MTR: variants seen among roughly 807,000 people sequenced by gnomAD.
MTR encodes methionine synthase.
Under a neutral mutation model 154.8 loss-of-function variants are expected in MTR, and 84 were observed. The ratio of observed to expected loss-of-function variants is 0.54; its 90% CI spans 0.45 to 0.65. MTR has a LOEUF of 0.65. MTR is among the 30% of genes least tolerant of loss of function. The pLI is 0.00. For missense variants in MTR, 1,275 were observed against 1,570.2 expected (o/e 0.81, Z 3.18); for synonymous variants, 554 against 553.9 (o/e 1.00, Z 0.00).
chr1:236,841,323 T>C (rs1663222062), intron 15 of MTR, among the ~76,000 whole-genome samples: 1 of 152,238 alleles, frequency 6.6e-6, no homozygotes, highest in Non-Finnish European at 1.5e-5. Flanking sequence ...TGCAGTAGTA[T>C]ACTGTGATTG....
At chr1:236,883,183 TG>T (rs1665844405) in intron 25 of MTR, among the ~76,000 whole-genome samples, 1 of 152,236 alleles carries the variant, frequency 6.6e-6, no homozygotes, top group Admixed American at 6.5e-5. Flanking sequence ...GCTGTTGCCA[TG>T]AAATGTTATT....
At chr1:236,894,331 A>G in intron 29 of MTR, 26 bp from the exon 30 acceptor site, 2 of 1,613,026 alleles carry the variant, frequency 1.2e-6, no homozygotes, top group East Asian at 2.2e-5. Context: ...GCGCCCCCGC[A>G]CACTCCTACA....
intron 8 of MTR, chr1:236,819,519 T>C: frequency 6.1e-6 from 2 of 330,024 alleles, no homozygotes; most frequent in South Asian, 5.7e-5. Context: ...CCATCTTGGT[T>C]GCTTCGAAGT....
At chr1:236,799,893 G>T (rs1660614454) in intron 1 of MTR, among the ~76,000 whole-genome samples, 1 of 151,290 alleles carries the variant, frequency 6.6e-6, no homozygotes, top group African/African-American at 2.4e-5. Flanking sequence ...CAATAAGTTT[G>T]TCAGGTTTCT....
At position 236,795,715 on chromosome 1, in the gene MTR, G is replaced by C; in HGVS notation, c.12G>C (p.Ala4=). 1 of 1,614,184 alleles carries C rather than the reference G, an allele frequency of 6.2e-7. No individual in the cohort carries two copies. The highest frequency in any genetic ancestry group is 8.5e-7 in the Non-Finnish European group (1 of 1,180,034). ...GGAGACTCGACAACATGTCACCCGC[G>C]CTCCAAGACCTGTCGCAACCCGGTA... MSP[A]LQDLSQPEGL... The change falls in exon 1 of 33, where the codon GCG becomes GCC. Residue 4 remains alanine, a synonymous_variant. Coordinates refer to ENST00000366577, the MANE Select transcript of MTR (RefSeq NM_000254.3).
intron 1 of MTR, among the ~76,000 whole-genome samples, chr1:236,798,753 C>T (rs1416652940): frequency 6.6e-6 from 1 of 152,188 alleles, no homozygotes; most frequent in Non-Finnish European, 1.5e-5. Flanking sequence ...CTTGACTAGT[C>T]AGTAGTTAAG....
At chr1:236,811,617 T>C (rs900583973) in intron 5 of MTR, 1 of 456,278 alleles carries the variant, frequency 2.2e-6, no homozygotes, top group East Asian at 7.0e-5. Context: ...ACCAGGCTTA[T>C]GTGTTGTTGA....
intron 13 of MTR, among the ~76,000 whole-genome samples, chr1:236,833,341 A>G (rs571662194): frequency 2.6e-5 from 4 of 152,232 alleles, no homozygotes; most frequent in Non-Finnish European, 4.4e-5. Context: ...TGGAAGTAAT[A>G]ATATCTATCA....
At chr1:236,881,166 A>C (rs1031650574) in intron 25 of MTR, among the ~76,000 whole-genome samples, 1 of 152,146 alleles carries the variant, frequency 6.6e-6, no homozygotes, top group African/African-American at 2.4e-5. Flanking sequence ...GTCTAAAAGG[A>C]ATGTTGGATT....
intron 22 of MTR, among the ~76,000 whole-genome samples, chr1:236,872,980 G>T (rs527519440): frequency 1.2e-4 from 18 of 152,340 alleles, no homozygotes; most frequent in African/African-American, 4.3e-4. Flanking sequence ...ATGAGACCCT[G>T]TCTCAAAAAC....
chr1:236,815,370 C>T (rs1044732675), intron 6 of MTR, among the ~76,000 whole-genome samples: 6 of 152,186 alleles, frequency 3.9e-5, no homozygotes, highest in Non-Finnish European at 4.4e-5. Context: ...AGTGGAAATA[C>T]TAGTTCCTAG....
chr1:236,863,082 T>C (rs1230457885), intron 21 of MTR, among the ~76,000 whole-genome samples: 3 of 152,212 alleles, frequency 2.0e-5, no homozygotes, highest in Admixed American at 6.5e-5. Flanking sequence ...AGATGGGACA[T>C]ACACATACAG....
chr1:236,865,630 G>GA (rs1664780742), intron 22 of MTR, among the ~76,000 whole-genome samples: 2 of 152,158 alleles, frequency 1.3e-5, no homozygotes, highest in Admixed American at 1.3e-4. Flanking sequence ...TGTTTAGAGA[G>GA]AAAATGTATT....
chr1:236,895,124 A>G lies in MTR; in HGVS notation c.3406-234A>G, dbSNP rs746443012. On this transcript the variant is annotated intron_variant, in intron 30 of 32. Coordinates refer to ENST00000366577, the MANE Select transcript of MTR (RefSeq NM_000254.3). ...TTTTAAGGTCTAAAATCTTTAGGTC[A>G]TTAAGTATGGTCCTTCAGAGCTCAG... 6.2e-5 allele frequency: 36 copies of G among 579,646 alleles called. 1 individual carries two copies. Among genetic ancestry groups the G allele is most frequent in the Middle Eastern group, 9.3e-4 (2 of 2,142 alleles). The allele number at this position is 579,646 out of a possible 1,614,324, so 35.9% of individuals were successfully genotyped here. A position where few individuals can be genotyped will look rare whatever the true frequency, so the allele number is the denominator to read the frequency against.
chr1:236,882,621 G>A (rs1040181309), intron 25 of MTR, among the ~76,000 whole-genome samples: 1 of 152,110 alleles, frequency 6.6e-6, no homozygotes, highest in Non-Finnish European at 1.5e-5. Flanking sequence ...TTGAACTCCT[G>A]ACCTCAAGTG....
intron 18 of MTR, among the ~76,000 whole-genome samples, chr1:236,855,759 C>T (rs1349755044): frequency 6.6e-6 from 1 of 152,170 alleles, no homozygotes; most frequent in Non-Finnish European, 1.5e-5. Flanking sequence ...GCCAGATGGA[C>T]ATGACAATTG....
chr1:236,853,437 A>G (rs533329626), intron 18 of MTR, among the ~76,000 whole-genome samples: 2 of 152,224 alleles, frequency 1.3e-5, no homozygotes, highest in African/African-American at 2.4e-5. Flanking sequence ...CTACCACCCA[A>G]AGTTAAACAC....
rs760976552 is a variant in MTR, at chr1:236,895,554, G to A, written c.3598+4G>A. ...GCAGACATCGAGCAGTCTACAGGTAGGAGCCAGGAGGCTGCGGGTTCCTGT... is the reference window on the plus strand; with the variant it reads ...GCAGACATCGAGCAGTCTACAGGTAAGAGCCAGGAGGCTGCGGGTTCCTGT... On this transcript the variant is annotated splice_donor_region_variant and intron_variant, in intron 31 of 32. Transcript: ENST00000366577. 12 of 1,562,862 alleles carry A rather than the reference G, an allele frequency of 7.7e-6. No individual in the cohort carries two copies. In the East Asian group the frequency reaches 2.9e-4, roughly 37 times the overall value.
chr1:236,847,313 C>A (rs186828561), intron 15 of MTR, among the ~76,000 whole-genome samples: 1 of 152,200 alleles, frequency 6.6e-6, no homozygotes, highest in Non-Finnish European at 1.5e-5. Context: ...TAGCCCTGTT[C>A]GATCTCTGCT....
Sources: gnomAD v4.1 joint callset for allele counts (sites outside exome capture counted in the v4.1 genomes callset) on GRCh38, gnomAD v4.1.1 for gene constraint, MANE v1.5 for transcripts, NCBI Gene and HGNC (gene_info 2026-07-23, HGNC 2026-07-21) for gene names.